The following TREH variants were observed in gnomAD, a reference collection of about 807,000 sequenced individuals.
TREH encodes alpha,alpha-trehalose glucohydrolase.
TREH carries 69 observed loss-of-function variants against 80.5 expected under a neutral mutation model. That is an observed-to-expected ratio of 0.86 (90% CI 0.71 to 1.05). The LOEUF is 1.05. TREH is among the 50% of genes least tolerant of loss of function. The pLI is 0.00. For synonymous variants in TREH, 309 were observed against 293.5 expected (o/e 1.05, Z -0.54); for missense variants, 716 against 718.8 (o/e 1.00, Z 0.04).
intron 10 of TREH, 100 bp downstream of exon 10, chr11:118,660,439 G>T: frequency 1.6e-6 from 2 of 1,270,676 alleles, no homozygotes; most frequent in Non-Finnish European, 1.1e-6. Flanking sequence ...AGGCTAAGTT[G>T]CTGAAGGCCT....
At chr11:118,667,759 A>T (rs1323138936) in intron 1 of TREH, among the ~76,000 whole-genome samples, 2 of 152,254 alleles carry the variant, frequency 1.3e-5, no homozygotes, top group African/African-American at 4.8e-5. Context: ...TGGAATAAAC[A>T]TTGGCCCATG....
chr11:118,661,731 T>C lies in TREH; in HGVS notation c.525-2A>G, dbSNP rs1555145027. The C allele has an allele frequency of 6.2e-7, 1 of 1,613,776 alleles. No homozygotes were observed. Among genetic ancestry groups the C allele is most frequent in the South Asian group, 1.1e-5 (1 of 91,084 alleles). On this transcript the variant is annotated splice_acceptor_variant, in intron 5 of 14. Transcript: ENST00000264029. LOFTEE classifies it high-confidence loss of function. This position sits in a 1 kb window ranked among gnomAD's most constrained non-coding sequence, Gnocchi z 4.2. Reference sequence around the variant, plus strand: ...CCCTCCATGACCCAGTAGGAGTCCCTGGGGAAGGGGCAGCTTAGGCACCAC... The same window carrying C: ...CCCTCCATGACCCAGTAGGAGTCCCCGGGGAAGGGGCAGCTTAGGCACCAC...
chr11:118,672,844 A>G (rs913057409), intron 1 of TREH, among the ~76,000 whole-genome samples: 2 of 152,112 alleles, frequency 1.3e-5, no homozygotes, highest in African/African-American at 4.8e-5. Flanking sequence ...TATCCTATGT[A>G]TCTGCAGTCC....
At chr11:118,663,570 C>CGTGTGT (rs377260560) in intron 1 of TREH, 131 bp from the exon 2 acceptor site, 10 of 692,016 alleles carry the variant, frequency 1.4e-5, no homozygotes, top group Non-Finnish European at 2.2e-5. Flanking sequence ...TGTGTGCGTG[C>CGTGTGT]GTGTGTGTGT....
intron 1 of TREH, among the ~76,000 whole-genome samples, chr11:118,678,876 T>C (rs546187024): frequency 1.1e-3 from 168 of 152,318 alleles, no homozygotes; most frequent in Non-Finnish European, 1.9e-3. Flanking sequence ...GGGTCAGGGC[T>C]CAAGCCCAAG....
At chr11:118,675,587 G>A (rs1949470116) in intron 1 of TREH, among the ~76,000 whole-genome samples, 1 of 152,156 alleles carries the variant, frequency 6.6e-6, no homozygotes, top group Non-Finnish European at 1.5e-5. Flanking sequence ...GGTGCATGGG[G>A]CAAGGTCTAG....
chr11:118,658,573 C>T (rs1949254270), intron 14 of TREH, 107 bp downstream of exon 14: 4 of 1,518,788 alleles, frequency 2.6e-6, no homozygotes, highest in Admixed American at 2.0e-5. Context: ...TCAGCTCCTC[C>T]CCCGGGCCCA....
chr11:118,674,996 G>A lies in TREH; in HGVS notation c.89+4543C>T, dbSNP rs890393980. 6.6e-6 allele frequency among the ~76,000 whole-genome samples: 1 copy of A among 152,116 alleles called. No homozygotes were observed. Among genetic ancestry groups the A allele is most frequent in the African/African-American group, 2.4e-5 (1 of 41,412 alleles). On this transcript the variant is annotated intron_variant, in intron 1 of 14. Coordinates refer to ENST00000264029, the MANE Select transcript of TREH (RefSeq NM_007180.3). The surrounding 1 kb of genome is among the most constrained non-coding windows in gnomAD (Gnocchi z 4.4). The stretch of plus-strand genomic sequence containing the variant: ...TTCAGTTTGGCTATTAGAGATAAAA[G>A]TCTATAGGGATTGTATATTTGCTTT...
chr11:118,669,715 T>C (rs2137278568), intron 1 of TREH, among the ~76,000 whole-genome samples: 1 of 152,284 alleles, frequency 6.6e-6, no homozygotes, highest in Non-Finnish European at 1.5e-5. Context: ...AGTGGTATAG[T>C]GGCAGGAGTC....
chr11:118,671,650 G>C (rs1949430752), intron 1 of TREH, among the ~76,000 whole-genome samples: 1 of 152,072 alleles, frequency 6.6e-6, no homozygotes, highest in Non-Finnish European at 1.5e-5. Flanking sequence ...TAATAACAGA[G>C]AACTTCCCAA....
Position 118,661,225 on chromosome 11 carries a change from GAC to G in TREH, c.790_791del (p.Val264LeufsTer24). The G allele has an allele frequency of 6.2e-7, 1 of 1,614,010 alleles. No homozygotes were observed. The highest frequency in any genetic ancestry group is 8.5e-7 in the Non-Finnish European group (1 of 1,179,886). On this transcript the variant is annotated frameshift_variant, in exon 8 of 15. Transcript: ENST00000264029. LOFTEE classifies it high-confidence loss of function. This position sits in a 1 kb window ranked among gnomAD's most constrained non-coding sequence, Gnocchi z 4.2. ...ELDFWTKNRT[V>X]SVSLEGKNYL... ...AGTTCTTTCCCTCCAAGCTCACAGA[GAC>G]AGTCCTGTTCTTGGTCCAAAAGTCC...
Position 118,679,566 on chromosome 11 carries a change from T to C in TREH, c.62A>G (p.Gln21Arg). The C allele has an allele frequency of 6.5e-7, 1 of 1,549,872 alleles. No homozygotes were observed. The highest frequency in any genetic ancestry group is 1.2e-5 in the South Asian group (1 of 81,104). The change falls in exon 1 of 15, where the codon CAG becomes CGG. Residue 21 changes from glutamine (Q) to arginine (R), a missense_variant. Coordinates refer to ENST00000264029, the MANE Select transcript of TREH (RefSeq NM_007180.3). ...LLLLGLGLGSQEALPPPCESE... is the reference protein window; with the variant it reads ...LLLLGLGLGSREALPPPCESE... ...CTCACAGGGTGGGGGTAGGGCCTCCTGGGACCCCAGTCCCAGCCCCAGCAG... is the reference window on the plus strand; with the variant it reads ...CTCACAGGGTGGGGGTAGGGCCTCCCGGGACCCCAGTCCCAGCCCCAGCAG...
chr11:118,658,611 G>T, intron 14 of TREH, 69 bp downstream of exon 14: 1 of 1,544,918 alleles, frequency 6.5e-7, no homozygotes, highest in South Asian at 1.2e-5. Context: ...TGAGGCCTGG[G>T]GCGGGGGTCA....
chr11:118,660,699 A>C lies in TREH; in HGVS notation c.942T>G (p.Ala314=), dbSNP rs782570378. The part of the protein sequence containing the change: ...DREALWAELK[A]GAESGWDFSS... ...AGAAGTCCCAGCCAGACTCAGCCCC[A>C]GCCTTGAGCTCAGCCCACAGAGCCT... Residue 314 remains alanine (A), a synonymous_variant, in exon 10 of 15, where the codon GCT becomes GCG. Transcript: ENST00000264029. 1 of 1,598,394 alleles carries C rather than the reference A, an allele frequency of 6.3e-7. No individual in the cohort carries two copies. The highest frequency in any genetic ancestry group is 2.3e-5 in the East Asian group (1 of 44,102).
intron 1 of TREH, among the ~76,000 whole-genome samples, chr11:118,673,666 C>T (rs1024095453): frequency 2.6e-5 from 4 of 152,176 alleles, no homozygotes; most frequent in Non-Finnish European, 5.9e-5. Flanking sequence ...TCAACATAAC[C>T]TGCTTTAATG....
At position 118,661,163 on chromosome 11, in the gene TREH, G is replaced by T. The variant is rs782679595; in HGVS notation, c.854C>A (p.Pro285His). The T allele has an allele frequency of 5.0e-6, 8 of 1,613,668 alleles. No individual in the cohort carries two copies. In the African/African-American group the frequency reaches 1.1e-4, roughly 22 times the overall value. ...LNRYYVPYGG[P>H]RPESYSKDVE... ...GGTGGGCTGCCCAGTTCCTCACCTGGGTCCCCCATAAGGGACATAATAGCG... is the reference window on the plus strand; with the variant it reads ...GGTGGGCTGCCCAGTTCCTCACCTGTGTCCCCCATAAGGGACATAATAGCG... Residue 285 changes from proline (P) to histidine (H), a missense_variant, in exon 8 of 15, where the codon CCC becomes CAC. Physicochemically the swap from Pro to His is moderately conservative, Grantham distance 77. Transcript: ENST00000264029. This position sits in a 1 kb window ranked among gnomAD's most constrained non-coding sequence, Gnocchi z 4.2.
chr11:118,661,151 G>C lies in TREH; in HGVS notation c.857+9C>G. ...AAGAGATTGAGGGGTGGGCTGCCCAGTTCCTCACCTGGGTCCCCCATAAGG... is the reference window on the plus strand; with the variant it reads ...AAGAGATTGAGGGGTGGGCTGCCCACTTCCTCACCTGGGTCCCCCATAAGG... On this transcript the variant is annotated intron_variant, in intron 8 of 14. Transcript: ENST00000264029. The surrounding 1 kb of genome is among the most constrained non-coding windows in gnomAD (Gnocchi z 4.2). The C allele has an allele frequency of 6.2e-7, 1 of 1,613,832 alleles. No individual in the cohort carries two copies. Among genetic ancestry groups the C allele is most frequent in the Non-Finnish European group, 8.5e-7 (1 of 1,179,884 alleles).
At chr11:118,667,772 A>G (rs1315230808) in intron 1 of TREH, among the ~76,000 whole-genome samples, 1 of 152,262 alleles carries the variant, frequency 6.6e-6, no homozygotes, top group East Asian at 1.9e-4. Context: ...GGCCCATGAG[A>G]TAGAAAAGGC....
At chr11:118,665,830 G>A (rs1005663164) in intron 1 of TREH, among the ~76,000 whole-genome samples, 6 of 152,180 alleles carry the variant, frequency 3.9e-5, no homozygotes, top group African/African-American at 1.4e-4. Flanking sequence ...TTCCTTATAT[G>A]CATGGGAGCA....
Sources: allele counts gnomAD v4.1 joint callset (sites outside exome capture counted in the v4.1 genomes callset), GRCh38; gene constraint gnomAD v4.1.1; non-coding constraint Gnocchi (gnomAD v3.1); transcripts MANE v1.5; gene names NCBI Gene and HGNC (gene_info 2026-07-23, HGNC 2026-07-21).